The following GSE1 variants were observed in gnomAD, a reference collection of about 807,000 sequenced individuals.
The protein encoded by GSE1 is Gse1 coiled-coil protein.
GSE1 carries 32 observed loss-of-function variants against 112.6 expected under a neutral mutation model. That is an observed-to-expected ratio of 0.28 (90% CI 0.21 to 0.38). GSE1 has a LOEUF of 0.38. GSE1 is among the 10% of genes least tolerant of loss of function. The pLI is 1.00. For missense variants in GSE1, 2,348 were observed against 1,699.2 expected (o/e 1.38, Z -6.71); for synonymous variants, 1,115 against 735.6 (o/e 1.52, Z -8.35).
At chr16:85,298,526 C>T (rs1467254886) in intron 1 of GSE1, among the ~76,000 whole-genome samples, 1 of 152,224 alleles carries the variant, frequency 6.6e-6, no homozygotes, top group Non-Finnish European at 1.5e-5. Flanking sequence ...CTCCTGGGTT[C>T]AAGCAATTCT....
chr16:85,536,739 G>A (rs557244687), intron 2 of GSE1, among the ~76,000 whole-genome samples: 7 of 152,240 alleles, frequency 4.6e-5, no homozygotes, highest in South Asian at 2.1e-4. Flanking sequence ...CACTGTTCCC[G>A]TCTCTGAGGG....
intron 2 of GSE1, among the ~76,000 whole-genome samples, chr16:85,417,050 C>T (rs12926489): frequency 0.37 from 55,551 of 151,948 alleles, 10,809 homozygotes; most frequent in Middle Eastern, 0.47. Flanking sequence ...TAGAGCAGGT[C>T]TCACCATGTT....
chr16:85,250,164 G>A (rs1024387690), intron 1 of GSE1, among the ~76,000 whole-genome samples: 11 of 152,310 alleles, frequency 7.2e-5, no homozygotes, highest in Non-Finnish European at 1.6e-4. Context: ...CCTTGGCTGT[G>A]TCCCTCGAAG....
At chr16:85,517,611 G>A (rs1044021801) in intron 2 of GSE1, among the ~76,000 whole-genome samples, 3 of 150,576 alleles carry the variant, frequency 2.0e-5, no homozygotes, top group African/African-American at 2.5e-5. Flanking sequence ...CCCTCCCCCC[G>A]CCTGCCTAAG....
At chr16:85,271,696 A>C (rs1908852108) in intron 1 of GSE1, among the ~76,000 whole-genome samples, 1 of 152,214 alleles carries the variant, frequency 6.6e-6, no homozygotes, top group South Asian at 2.1e-4. Context: ...GCCTGTGATC[A>C]GGTGCCATGA....
intron 2 of GSE1, among the ~76,000 whole-genome samples, chr16:85,364,871 C>T (rs1429082417): frequency 6.6e-6 from 1 of 152,188 alleles, no homozygotes; most frequent in Non-Finnish European, 1.5e-5. Flanking sequence ...CATGGTCCCA[C>T]AGTCCCTGAG....
At chr16:85,354,015 C>T (rs2046901927) in intron 1 of GSE1, among the ~76,000 whole-genome samples, 1 of 152,216 alleles carries the variant, frequency 6.6e-6, no homozygotes, top group African/African-American at 2.4e-5. Context: ...CCTCCCACAC[C>T]TGGAATGCTG....
chr16:85,351,515 G>A (rs938925473), intron 1 of GSE1, among the ~76,000 whole-genome samples: 3 of 152,076 alleles, frequency 2.0e-5, no homozygotes, highest in Non-Finnish European at 4.4e-5. Context: ...GGGCCTGGAA[G>A]GATGGGGTTG....
At chr16:85,662,701 T>A (rs2052533221) in intron 9 of GSE1, 1 of 449,158 alleles carries the variant, frequency 2.2e-6, no homozygotes, top group South Asian at 2.9e-5. Context: ...TGATGAATGG[T>A]TCCCTGCCAG....
At chr16:85,477,074 C>G (rs916616473) in intron 2 of GSE1, among the ~76,000 whole-genome samples, 1 of 151,908 alleles carries the variant, frequency 6.6e-6, no homozygotes, top group Non-Finnish European at 1.5e-5. Context: ...GACAGGTGTA[C>G]GCACCACCAT....
chr16:85,576,480 A>G (rs914962629), intron 1 of GSE1, among the ~76,000 whole-genome samples: 31 of 152,262 alleles, frequency 2.0e-4, no homozygotes, highest in African/African-American at 6.7e-4. Flanking sequence ...GGTCTCTGCT[A>G]GAGGCCTGGG....
chr16:85,371,977 C>A (rs1222440496), intron 2 of GSE1, among the ~76,000 whole-genome samples: 1 of 152,192 alleles, frequency 6.6e-6, no homozygotes, highest in African/African-American at 2.4e-5. Context: ...AGGAAGCGTG[C>A]AGAGGGGCTC....
chr16:85,193,976 CGT>C (rs978861505), intron 1 of GSE1, among the ~76,000 whole-genome samples: 44 of 152,104 alleles, frequency 2.9e-4, no homozygotes, highest in South Asian at 4.2e-4. Flanking sequence ...TGTGCGCGCG[CGT>C]GTTTGTGTGT....
chr16:85,576,856 G>T (rs998297160), intron 1 of GSE1, among the ~76,000 whole-genome samples: 1 of 152,162 alleles, frequency 6.6e-6, no homozygotes, highest in Non-Finnish European at 1.5e-5. Flanking sequence ...GATTAGACAC[G>T]GGGACCCTGG....
intron 1 of GSE1, among the ~76,000 whole-genome samples, chr16:85,328,283 G>A (rs942584068): frequency 6.6e-6 from 1 of 152,190 alleles, no homozygotes; most frequent in Non-Finnish European, 1.5e-5. Context: ...GTCCAGGGTG[G>A]GGCTGTCACC....
intron 1 of GSE1, among the ~76,000 whole-genome samples, chr16:85,625,336 C>A (rs2048999744): frequency 6.6e-6 from 1 of 152,252 alleles, no homozygotes; most frequent in Non-Finnish European, 1.5e-5. Flanking sequence ...CGGGACCAGT[C>A]CGTGGCCGTG....
intron 1 of GSE1, among the ~76,000 whole-genome samples, chr16:85,351,818 C>T (rs910060406): frequency 1.3e-5 from 2 of 152,090 alleles, no homozygotes; most frequent in African/African-American, 2.4e-5. Context: ...GGTGAAAGCC[C>T]GTCTTTGCTA....
intron 2 of GSE1, among the ~76,000 whole-genome samples, chr16:85,386,425 T>G (rs950964153): frequency 6.6e-6 from 1 of 152,220 alleles, no homozygotes; most frequent in African/African-American, 2.4e-5. Flanking sequence ...AATAAAGATA[T>G]GACGTAACGC....
chr16:85,668,173 A>G lies in GSE1; in HGVS notation c.3164A>G (p.His1055Arg), dbSNP rs1339921669. 4 of 1,605,260 alleles carry G rather than the reference A, an allele frequency of 2.5e-6. No homozygotes were observed. Among genetic ancestry groups the G allele is most frequent in the Admixed American group, 1.7e-5 (1 of 59,682 alleles). ...GCTGTGCTGTCTGCAGAGCAGAACC[A>G]CAAGGTTGACACGTCCGTCCACTAC... ...SVAVLSAEQN[H>R]KVDTSVHYNI... Residue 1055 changes from histidine (H) to arginine (R), a missense_variant, in exon 14 of 16, where the codon CAC becomes CGC. By Grantham distance (29) the His-to-Arg change is conservative. Coordinates refer to ENST00000253458, the MANE Select transcript of GSE1 (RefSeq NM_014615.5).
Sources: gnomAD v4.1 joint callset for allele counts (sites outside exome capture counted in the v4.1 genomes callset) on GRCh38, gnomAD v4.1.1 for gene constraint, MANE v1.5 for transcripts, NCBI Gene and HGNC (gene_info 2026-07-23, HGNC 2026-07-21) for gene names.